ANK1: variants seen among roughly 807,000 people sequenced by gnomAD.
ANK1 encodes the protein ankyrin 1.
A neutral mutation model predicts 210.4 loss-of-function variants in ANK1; 51 were observed. That is an observed-to-expected ratio of 0.24 (90% CI 0.19 to 0.31). The LOEUF (loss-of-function observed/expected upper bound fraction) is 0.31, where lower values mean the gene tolerates loss of function less well. Among genes scored for constraint, ANK1 ranks in the 10% least tolerant of loss-of-function variants. ANK1 has a pLI of 1.00. For missense variants in ANK1, 2,051 were observed against 2,504.4 expected (o/e 0.82, Z 3.86); for synonymous variants, 967 against 1,025.9 (o/e 0.94, Z 1.10).
intron 1 of ANK1, among the ~76,000 whole-genome samples, chr8:41,865,149 G>A (rs769028245): frequency 1.1e-4 from 17 of 152,298 alleles, no homozygotes; most frequent in Non-Finnish European, 2.5e-4. Flanking sequence ...AGAGCTTGGG[G>A]TCCATGAGCT....
rs1284412827 is a variant in ANK1, at chr8:41,826,773, C to A, written c.127-68636G>T. The stretch of plus-strand genomic sequence containing the variant: ...TTCCCAGAACTGGAATTATACCATG[C>A]ATAATATTTTGTACCCTTCATTTTT... On this transcript the variant is annotated intron_variant, in intron 1 of 42. Transcript: ENST00000265709. 3.3e-5 allele frequency among the ~76,000 whole-genome samples: 5 copies of A among 152,250 alleles called. No homozygotes were observed. In the East Asian group the frequency reaches 7.7e-4, roughly 23 times the overall value.
chr8:41,869,092 T>C (rs1331504163), intron 1 of ANK1, among the ~76,000 whole-genome samples: 3 of 152,194 alleles, frequency 2.0e-5, no homozygotes, highest in African/African-American at 7.2e-5. Context: ...TCTTCTTCTC[T>C]AGGTGACTCT....
At chr8:41,717,954 T>G (rs756835523) in intron 11 of ANK1, 152 bp downstream of exon 11, 2 of 839,606 alleles carry the variant, frequency 2.4e-6, no homozygotes, top group African/African-American at 3.4e-5. Context: ...TTCCCTTGTC[T>G]TAGTCACCCC....
chr8:41,663,524 TGA>T, intron 40 of ANK1, 133 bp downstream of exon 40: 1 of 854,054 alleles, frequency 1.2e-6, no homozygotes, highest in Non-Finnish European at 1.9e-6. Context: ...CCATCCCTCC[TGA>T]GCACGGGGGC....
chr8:41,773,640 C>T (rs531000416), intron 1 of ANK1, among the ~76,000 whole-genome samples: 2 of 152,290 alleles, frequency 1.3e-5, no homozygotes, highest in East Asian at 3.9e-4. Context: ...TCCCTCTACC[C>T]CCAGTGTGAA....
At chr8:41,678,326 G>A (rs1377689724) in intron 37 of ANK1, among the ~76,000 whole-genome samples, 1 of 151,950 alleles carries the variant, frequency 6.6e-6, no homozygotes, top group African/African-American at 2.4e-5. Flanking sequence ...TTTTTTAGTG[G>A]AGACAGGGTT....
At position 41,690,565 on chromosome 8, in the gene ANK1, G is replaced by C; in HGVS notation, c.3893C>G (p.Ser1298Cys). The C allele has an allele frequency of 6.2e-7, 1 of 1,613,842 alleles. No individual in the cohort carries two copies. Among genetic ancestry groups the C allele is most frequent in the Non-Finnish European group, 8.5e-7 (1 of 1,179,900 alleles). The change falls in exon 32 of 43, where the codon TCT (serine) becomes TGT (cysteine). Residue 1298 changes from serine to cysteine, a missense_variant. Transcript: ENST00000289734. ...TTTCTTCACAGGCACCAGGTTCCCA[G>C]AGAGTTCTGCAAACAGGGACATTCC... ...LEGMSLFAELSGNLVPVKKAA... is the reference protein window; with the variant it reads ...LEGMSLFAELCGNLVPVKKAA...
At chr8:41,822,082 G>C (rs1177643120) in intron 1 of ANK1, among the ~76,000 whole-genome samples, 1 of 30,970 alleles carries the variant, frequency 3.2e-5, no homozygotes, top group Non-Finnish European at 5.8e-5. Flanking sequence ...GAGAGAGAGA[G>C]AGAGAGAGAG....
chr8:41,758,275 C>A, intron 1 of ANK1, 138 bp from the exon 2 acceptor site: 1 of 794,940 alleles, frequency 1.3e-6, no homozygotes, highest in South Asian at 1.4e-5. Flanking sequence ...ACCAGGTGTG[C>A]ACAGGAGCCT....
At chr8:41,878,054 C>T (rs1816908662) in intron 1 of ANK1, among the ~76,000 whole-genome samples, 1 of 152,254 alleles carries the variant, frequency 6.6e-6, no homozygotes, top group Non-Finnish European at 1.5e-5. Flanking sequence ...AAAGCATGTG[C>T]ATGAACATTC....
intron 12 of ANK1, 42 bp downstream of exon 12, chr8:41,717,562 C>A: frequency 6.6e-7 from 1 of 1,516,794 alleles, no homozygotes. Flanking sequence ...CCTCTGAGCT[C>A]TTGGTCTAGG....
At chr8:41,853,469 A>G (rs1341481327) in intron 1 of ANK1, among the ~76,000 whole-genome samples, 1 of 152,226 alleles carries the variant, frequency 6.6e-6, no homozygotes, top group Non-Finnish European at 1.5e-5. Context: ...CAGAACACTT[A>G]ATGTTTTTCT....
rs531337196 is a variant in ANK1, at chr8:41,723,850, C to T, written c.712-217G>A. ...TGTCGCCCAGGCTGGAGTGCAGTGGCGCGATCTCGACTCACTGCAAGCTCC... is the reference window on the plus strand; with the variant it reads ...TGTCGCCCAGGCTGGAGTGCAGTGGTGCGATCTCGACTCACTGCAAGCTCC... On this transcript the variant is annotated intron_variant, in intron 7 of 42. Coordinates refer to ENST00000289734, the MANE Select transcript of ANK1 (RefSeq NM_000037.4). Among the ~76,000 whole-genome samples the T allele has an allele frequency of 6.2e-4, 92 of 148,530 alleles. No individual in the cohort carries two copies. In the Middle Eastern group the frequency reaches 0.01, roughly 16 times the overall value.
At position 41,831,919 on chromosome 8, in the gene ANK1, C is replaced by G. The variant is rs78821058; in HGVS notation, c.126+64436G>C. Among the ~76,000 whole-genome samples, 148 of 152,254 alleles carry G rather than the reference C, an allele frequency of 9.7e-4. 1 individual carries two copies. In the East Asian group the frequency reaches 0.027, roughly 28 times the overall value. The stretch of plus-strand genomic sequence containing the variant: ...CCAAAAGCATGCTGCTACACGGATG[C>G]AAGGCCTTCGGACTATATGATCCCA... On this transcript the variant is annotated intron_variant, in intron 1 of 42. Transcript: ENST00000265709.
At chr8:41,827,951 C>G (rs1024388346) in intron 1 of ANK1, among the ~76,000 whole-genome samples, 1 of 152,184 alleles carries the variant, frequency 6.6e-6, no homozygotes, top group African/African-American at 2.4e-5. Flanking sequence ...CATGCATACA[C>G]AGATACACAC....
chr8:41,721,241 C>T (rs1237599534), intron 9 of ANK1, among the ~76,000 whole-genome samples: 1 of 152,150 alleles, frequency 6.6e-6, no homozygotes, highest in Non-Finnish European at 1.5e-5. Context: ...AGGAAAATGT[C>T]ACATGAAGAT....
intron 37 of ANK1, among the ~76,000 whole-genome samples, chr8:41,673,257 T>A (rs1484297273): frequency 6.6e-6 from 1 of 152,188 alleles, no homozygotes; most frequent in Admixed American, 6.5e-5. Context: ...AAAGGACTTG[T>A]GCTCCAATCT....
At chr8:41,670,209 TAG>T (rs778084832) in intron 38 of ANK1, among the ~76,000 whole-genome samples, 1 of 152,106 alleles carries the variant, frequency 6.6e-6, no homozygotes, top group Non-Finnish European at 1.5e-5. Context: ...TTCTTGCAGG[TAG>T]AGACTTTTTT....
intron 1 of ANK1, among the ~76,000 whole-genome samples, chr8:41,819,898 A>G (rs1275262889): frequency 1.3e-5 from 2 of 152,232 alleles, no homozygotes. Context: ...AAGTTCGTCT[A>G]AACAGACACC....
Sources: allele counts gnomAD v4.1 joint callset (sites outside exome capture counted in the v4.1 genomes callset), GRCh38; gene constraint gnomAD v4.1.1; transcripts MANE v1.5; gene names NCBI Gene and HGNC (gene_info 2026-07-23, HGNC 2026-07-21).